Variants in ANAPC10 observed in about 807,000 individuals in gnomAD.
ANAPC10 encodes anaphase-promoting complex subunit 10.
Under a neutral mutation model 22.0 loss-of-function variants are expected in ANAPC10, and 12 were observed. The ratio of observed to expected loss-of-function variants is 0.55; its 90% CI spans 0.35 to 0.88. ANAPC10 has a LOEUF of 0.88. Among genes scored for constraint, ANAPC10 ranks in the 40% least tolerant of loss-of-function variants. The pLI, the probability that ANAPC10 is intolerant of heterozygous loss-of-function variation, is 0.01. For missense variants in ANAPC10, 188 were observed against 220.9 expected (o/e 0.85, Z 0.94); for synonymous variants, 65 against 69.5 (o/e 0.94, Z 0.32).
intron 2 of ANAPC10, among the ~76,000 whole-genome samples, chr4:145,095,325 A>G (rs1748343061): frequency 6.6e-6 from 1 of 152,150 alleles, no homozygotes; most frequent in African/African-American, 2.4e-5. Flanking sequence ...GTGTGAAGAA[A>G]TTTCTCACCA....
At chr4:145,006,406 C>T (rs1433258359) in intron 4 of ANAPC10, among the ~76,000 whole-genome samples, 1 of 151,932 alleles carries the variant, frequency 6.6e-6, no homozygotes, top group Non-Finnish European at 1.5e-5. Context: ...TATGGGTCTC[C>T]TGAATACATG....
intron 4 of ANAPC10, among the ~76,000 whole-genome samples, chr4:145,042,153 T>C (rs1228789859): frequency 6.6e-6 from 1 of 152,154 alleles, no homozygotes; most frequent in Non-Finnish European, 1.5e-5. Flanking sequence ...CACACTAGAC[T>C]ACATTTCACA....
chr4:145,040,125 GTGTA>G (rs1407213421), intron 4 of ANAPC10, among the ~76,000 whole-genome samples: 999 of 49,540 alleles, frequency 0.02, 17 homozygotes, highest in African/African-American at 0.056. Flanking sequence ...TTTAGTGTGT[GTGTA>G]TGTGTGTGTG....
At chr4:144,998,363 G>C (rs946179181) in intron 4 of ANAPC10, among the ~76,000 whole-genome samples, 1 of 152,066 alleles carries the variant, frequency 6.6e-6, no homozygotes, top group African/African-American at 2.4e-5. Context: ...TAAAAGAACA[G>C]AAATTATCAC....
chr4:145,048,071 G>A (rs1409405217), intron 4 of ANAPC10, among the ~76,000 whole-genome samples: 1 of 152,158 alleles, frequency 6.6e-6, no homozygotes, highest in African/African-American at 2.4e-5. Flanking sequence ...ATATCAGAAA[G>A]TAGGCTGCTA....
chr4:145,027,558 AAGGC>A (rs1165279518), intron 4 of ANAPC10, among the ~76,000 whole-genome samples: 1 of 152,194 alleles, frequency 6.6e-6, no homozygotes, highest in Non-Finnish European at 1.5e-5. Flanking sequence ...CATATGCAAT[AAGGC>A]ACAGCATCAT....
At position 144,995,342 on chromosome 4, in the gene ANAPC10, T is replaced by C. The variant is rs764655039; in HGVS notation, c.*31A>G. The stretch of plus-strand genomic sequence containing the variant: ...ATTTAAATACAGGATAAAACAAAGA[T>C]ACGTTTAATGATTTTCGTCTCATTT... On this transcript the variant is annotated 3_prime_UTR_variant, in exon 5 of 5. Coordinates refer to ENST00000507656, the MANE Select transcript of ANAPC10 (RefSeq NM_001256706.2). 7.2e-7 allele frequency: 1 copy of C among 1,398,548 alleles called. No homozygotes were observed. Among genetic ancestry groups the C allele is most frequent in the South Asian group, 1.2e-5 (1 of 83,030 alleles). The allele number at this position is 1,398,548 out of a possible 1,614,324, so 86.6% of individuals were successfully genotyped here.
In ANAPC10 at chr4:144,995,751, A is replaced by C. The variant is rs924156243; in HGVS notation, c.328-148T>G. On this transcript the variant is annotated intron_variant, in intron 4 of 4. Transcript: ENST00000507656. ...GATAATAATCACTACCAGTTATTGGACACTTTTACCATGGTCTACTTATAG... is the reference window on the plus strand; with the variant it reads ...GATAATAATCACTACCAGTTATTGGCCACTTTTACCATGGTCTACTTATAG... The C allele has an allele frequency of 1.4e-5, 9 of 630,144 alleles. No homozygotes were observed. In the African/African-American group the frequency reaches 1.5e-4, roughly 10 times the overall value. The allele number at this position is 630,144 out of a possible 1,614,324, so 39.0% of individuals were successfully genotyped here. A position where few individuals can be genotyped will look rare whatever the true frequency, so the allele number is the denominator to read the frequency against.
intron 3 of ANAPC10, among the ~76,000 whole-genome samples, chr4:145,078,640 CAGTAGCCAA>C (rs990134406): frequency 6.6e-6 from 1 of 152,226 alleles, no homozygotes; most frequent in African/African-American, 2.4e-5. Context: ...TTCAAAACAA[CAGTAGCCAA>C]AAGAGCATGG....
At chr4:145,021,948 G>A (rs1406557965) in intron 4 of ANAPC10, among the ~76,000 whole-genome samples, 3 of 152,008 alleles carry the variant, frequency 2.0e-5, no homozygotes, top group South Asian at 2.1e-4. Context: ...AGGCAAATGC[G>A]AATTAAAATC....
At chr4:145,005,441 T>C (rs780488932) in intron 4 of ANAPC10, among the ~76,000 whole-genome samples, 2 of 152,070 alleles carry the variant, frequency 1.3e-5, no homozygotes, top group African/African-American at 2.4e-5. Flanking sequence ...TTGTATGGTT[T>C]TTCATGTCTC....
chr4:145,067,053 T>A (rs563258973), intron 3 of ANAPC10, among the ~76,000 whole-genome samples: 34 of 152,038 alleles, frequency 2.2e-4, no homozygotes, highest in African/African-American at 8.2e-4. Context: ...GCTATATACA[T>A]AGTTTCATTA....
chr4:145,063,376 A>G (rs1743190612), intron 4 of ANAPC10, among the ~76,000 whole-genome samples: 1 of 152,208 alleles, frequency 6.6e-6, no homozygotes, highest in Non-Finnish European at 1.5e-5. Context: ...TTGTCAATAC[A>G]TATGCAAGTT....
chr4:145,020,524 A>T (rs749917324), intron 4 of ANAPC10, among the ~76,000 whole-genome samples: 1 of 152,168 alleles, frequency 6.6e-6, no homozygotes, highest in Non-Finnish European at 1.5e-5. Context: ...CTGGAACAAA[A>T]CAAGGATGCC....
rs557906329 is a variant in ANAPC10, at chr4:145,006,446, T to C, written c.328-10843A>G. Among the ~76,000 whole-genome samples the C allele has an allele frequency of 9.2e-5, 14 of 152,134 alleles. No individual in the cohort carries two copies. In the East Asian group the frequency reaches 2.1e-3, roughly 23 times the overall value. On this transcript the variant is annotated intron_variant, in intron 4 of 4. Transcript: ENST00000507656. ...CAAATAAGGAATAAGAAAGGAACGA[T>C]AGCAATGAATAAAAGAATGTAGGGC...
chr4:145,058,691 T>A (rs1310093587), intron 4 of ANAPC10, among the ~76,000 whole-genome samples: 1 of 152,148 alleles, frequency 6.6e-6, no homozygotes. Context: ...AAGATACAAT[T>A]AAGTTTCTAA....
intron 2 of ANAPC10, among the ~76,000 whole-genome samples, chr4:145,082,778 G>A (rs1746265254): frequency 6.6e-6 from 1 of 152,108 alleles, no homozygotes; most frequent in South Asian, 2.1e-4. Context: ...ACTAATTTTA[G>A]AAATGAATCT....
chr4:145,041,453 A>C (rs964817372), intron 4 of ANAPC10, among the ~76,000 whole-genome samples: 4 of 152,244 alleles, frequency 2.6e-5, no homozygotes, highest in African/African-American at 9.6e-5. Flanking sequence ...TGTTCTATTC[A>C]CAAGTACCAA....
intron 3 of ANAPC10, among the ~76,000 whole-genome samples, chr4:145,080,839 G>A (rs996700550): frequency 1.3e-5 from 2 of 150,576 alleles, no homozygotes; most frequent in African/African-American, 4.9e-5. Flanking sequence ...CCTGGGAGGC[G>A]GAGGTTGCAG....
Sources: gnomAD v4.1 joint callset for allele counts (sites outside exome capture counted in the v4.1 genomes callset) on GRCh38, gnomAD v4.1.1 for gene constraint, MANE v1.5 for transcripts, NCBI Gene and HGNC (gene_info 2026-07-23, HGNC 2026-07-21) for gene names.